The following ERC2 variants were observed in gnomAD, a reference collection of about 807,000 sequenced individuals.
ERC2 encodes the protein ELKS/RAB6-interacting/CAST family member 2.
In ERC2, 42 loss-of-function variants were observed where a neutral mutation model predicts 114.8. The observed-to-expected ratio is 0.37, with a 90% confidence interval of 0.29 to 0.47. The LOEUF is 0.47. ERC2 is among the 20% of genes least tolerant of loss of function. The pLI is 0.99. For synonymous variants in ERC2, 454 were observed against 425.5 expected (o/e 1.07, Z -0.82); for missense variants, 939 against 1,150.7 (o/e 0.82, Z 2.66).
chr3:56,122,438 T>C (rs1272024615), intron 6 of ERC2, among the ~76,000 whole-genome samples: 2 of 152,216 alleles, frequency 1.3e-5, no homozygotes, highest in African/African-American at 4.8e-5. Context: ...ATTCTCGGTT[T>C]AAAATTTTTT....
chr3:55,581,243 G>A (rs1306306899), intron 17 of ERC2, among the ~76,000 whole-genome samples: 8 of 152,138 alleles, frequency 5.3e-5, no homozygotes, highest in South Asian at 2.1e-4. Flanking sequence ...GTCTCCCATC[G>A]CCACTTCCTT....
intron 17 of ERC2, among the ~76,000 whole-genome samples, chr3:55,553,393 C>T (rs542006531): frequency 1.7e-4 from 26 of 152,046 alleles, no homozygotes; most frequent in Admixed American, 9.8e-4. Context: ...GCTGAACACC[C>T]CACATTAAGA....
intron 2 of ERC2, among the ~76,000 whole-genome samples, chr3:56,297,093 T>C (rs2055493396): frequency 6.6e-6 from 1 of 151,814 alleles, no homozygotes; most frequent in Non-Finnish European, 1.5e-5. Flanking sequence ...TTGGTTCTTC[T>C]GGCATCCAGT....
intron 3 of ERC2, among the ~76,000 whole-genome samples, chr3:56,218,531 C>T (rs1356395534): frequency 1.3e-5 from 2 of 152,214 alleles, no homozygotes; most frequent in Non-Finnish European, 2.9e-5. Context: ...AACACTTTTA[C>T]ACTGTTGGTG....
At chr3:55,687,154 G>A (rs903441392) in intron 16 of ERC2, among the ~76,000 whole-genome samples, 1 of 152,130 alleles carries the variant, frequency 6.6e-6, no homozygotes, top group Non-Finnish European at 1.5e-5. Flanking sequence ...TGCTCACAGC[G>A]GCTATGTTGA....
intron 7 of ERC2, among the ~76,000 whole-genome samples, chr3:56,040,702 A>ACATATATCTC (rs2075131488): frequency 7.0e-6 from 1 of 142,120 alleles, no homozygotes; most frequent in Non-Finnish European, 1.5e-5. Flanking sequence ...ATAGAGAGAG[A>ACATATATCTC]TATATAGAGA....
intron 14 of ERC2, among the ~76,000 whole-genome samples, chr3:55,866,536 A>C (rs1217669122): frequency 2.0e-5 from 3 of 151,664 alleles, no homozygotes; most frequent in African/African-American, 7.2e-5. Flanking sequence ...AAGCAGCTTT[A>C]TATAACCCAA....
At chr3:55,898,772 A>G (rs2063966076) in intron 13 of ERC2, among the ~76,000 whole-genome samples, 1 of 152,240 alleles carries the variant, frequency 6.6e-6, no homozygotes, top group Non-Finnish European at 1.5e-5. Context: ...CTTCAGTGGA[A>G]AGGTGAAAAT....
intron 14 of ERC2, among the ~76,000 whole-genome samples, chr3:55,871,485 C>G (rs61516975): frequency 1.7e-3 from 258 of 152,304 alleles, no homozygotes; most frequent in African/African-American, 5.9e-3. Flanking sequence ...CATTAATCAG[C>G]ATCCAAGAAC....
chr3:55,675,894 CTTTTCTTTCTT>C (rs1403170252), intron 17 of ERC2, among the ~76,000 whole-genome samples: 6 of 70,466 alleles, frequency 8.5e-5, no homozygotes, highest in Non-Finnish European at 1.1e-4. Context: ...CTTTCTTTCT[CTTTTCTTTCTT>C]TTTTTTTTTT....
chr3:56,425,936 C>T (rs139843193), intron 2 of ERC2, among the ~76,000 whole-genome samples: 9 of 152,306 alleles, frequency 5.9e-5, no homozygotes, highest in East Asian at 1.9e-4. Context: ...GCAGCTCACA[C>T]GTCTCTGGAC....
intron 2 of ERC2, among the ~76,000 whole-genome samples, chr3:56,417,359 T>G (rs2061208235): frequency 6.6e-6 from 1 of 152,070 alleles, no homozygotes; most frequent in Non-Finnish European, 1.5e-5. Context: ...ACCAGAAAAA[T>G]GTAATGTGAG....
At chr3:55,887,374 C>A (rs993949771) in intron 14 of ERC2, among the ~76,000 whole-genome samples, 2 of 152,152 alleles carry the variant, frequency 1.3e-5, no homozygotes, top group African/African-American at 4.8e-5. Context: ...TTTCCATGAT[C>A]TAAGCTTTCT....
chr3:56,249,388 C>G (rs996702347), intron 3 of ERC2, among the ~76,000 whole-genome samples: 1 of 151,882 alleles, frequency 6.6e-6, no homozygotes, highest in African/African-American at 2.4e-5. Context: ...TGCAGTGGTG[C>G]AATCTCAGCT....
chr3:55,741,984 A>T (rs2065987749), intron 14 of ERC2, among the ~76,000 whole-genome samples: 1 of 152,148 alleles, frequency 6.6e-6, no homozygotes, highest in Non-Finnish European at 1.5e-5. Context: ...TTAACAGTGG[A>T]TAAAAATATG....
intron 8 of ERC2, among the ~76,000 whole-genome samples, 197 bp downstream of exon 8, chr3:56,018,697 C>T (rs1339720643): frequency 3.9e-5 from 6 of 152,146 alleles, no homozygotes; most frequent in Admixed American, 3.9e-4. Flanking sequence ...ATCAGATTTG[C>T]ATTTCAGAAA....
chr3:56,351,217 T>C (rs2058541135), intron 2 of ERC2, among the ~76,000 whole-genome samples: 2 of 152,016 alleles, frequency 1.3e-5, no homozygotes, highest in Non-Finnish European at 2.9e-5. Context: ...GAAAAAAAAC[T>C]TTCCCAGTGG....
intron 17 of ERC2, among the ~76,000 whole-genome samples, chr3:55,560,407 T>A (rs368708868): frequency 2.8e-4 from 42 of 152,130 alleles, no homozygotes; most frequent in African/African-American, 9.7e-4. Flanking sequence ...GTTGTAGGGG[T>A]CTGTCCCATG....
At chr3:56,214,029 G>A (rs1326052000) in intron 3 of ERC2, among the ~76,000 whole-genome samples, 1 of 152,138 alleles carries the variant, frequency 6.6e-6, no homozygotes, top group Non-Finnish European at 1.5e-5. Context: ...AAGACCAAAG[G>A]TAGATAGAAC....
Sources: allele counts gnomAD v4.1 joint callset (sites outside exome capture counted in the v4.1 genomes callset), GRCh38; gene constraint gnomAD v4.1.1; transcripts MANE v1.5; gene names NCBI Gene and HGNC (gene_info 2026-07-23, HGNC 2026-07-21).